Variants in C16orf92 observed in about 807,000 individuals in gnomAD.
C16orf92 encodes the protein fertilization-influencing membrane protein.
C16orf92 carries 14 observed loss-of-function variants against 13.7 expected under a neutral mutation model. The observed-to-expected ratio is 1.02, with a 90% CI of 0.67 to 1.60. C16orf92 has a LOEUF of 1.60. Ranked by LOEUF, C16orf92 falls within the 40% of genes most tolerant of loss-of-function variation. The probability of loss-of-function intolerance (pLI) is 0.00; values close to 1 mark genes in which losing one functional copy is unlikely to be tolerated. For synonymous variants in C16orf92, 50 were observed against 57.4 expected, an observed-to-expected ratio of 0.87 and a Z score of 0.58; for missense variants, 116 against 139.0, an observed-to-expected ratio of 0.83 and a Z score of 0.83.
At chr16:30,025,531 C>G, downstream of C16orf92, 1 of 1,591,732 alleles carries the variant, frequency 6.3e-7, no homozygotes, top group Non-Finnish European at 8.6e-7. The surrounding 1 kb of genome is among the most constrained non-coding windows in gnomAD (Gnocchi z 4.1). Context: ...GGCCCTCTCC[C>G]TGCCTCCCTG....
downstream of C16orf92, chr16:30,025,935 A>C (rs886416669): frequency 1.3e-4 from 106 of 798,632 alleles, no homozygotes; most frequent in Non-Finnish European, 1.9e-4. This position sits in a 1 kb window ranked among gnomAD's most constrained non-coding sequence, Gnocchi z 4.1. Context: ...TCTGAACATC[A>C]GAACACCTGG....
At chr16:30,025,644 A>G, downstream of C16orf92, 2 of 1,502,066 alleles carry the variant, frequency 1.3e-6, no homozygotes, top group South Asian at 2.2e-5. This position sits in a 1 kb window ranked among gnomAD's most constrained non-coding sequence, Gnocchi z 4.1. Context: ...AAGGGGCTAG[A>G]GCCCTTGGCA....
downstream of C16orf92, chr16:30,026,982 G>A: frequency 1.3e-6 from 1 of 754,850 alleles, no homozygotes; most frequent in Non-Finnish European, 2.3e-6. Context: ...GAGGGTAGAG[G>A]GTGAGAAACT....
In C16orf92 at chr16:30,023,407, A is replaced by G; in HGVS notation, c.64+3A>G. ...TGCACTAGGGGCCATAGAAACTGGT[A>G]AGAAGCTGTCTTGGGAGCAGCAGGA... On this transcript the variant is annotated splice_donor_region_variant and intron_variant, in intron 1 of 3. Coordinates refer to ENST00000681219, the MANE Select transcript of C16orf92 (RefSeq NM_001109659.2). 1.2e-6 allele frequency: 2 copies of G among 1,611,496 alleles called. No homozygotes were observed. Among genetic ancestry groups the G allele is most frequent in the Non-Finnish European group, 8.5e-7 (1 of 1,179,124 alleles).
chr16:30,023,459 T>A, intron 1 of C16orf92, 55 bp downstream of exon 1: 3 of 1,557,460 alleles, frequency 1.9e-6, no homozygotes, highest in Non-Finnish European at 2.6e-6. Context: ...GAGCATAAAG[T>A]GTGATGCCCA....
downstream of C16orf92, chr16:30,025,017 C>T (rs1034063838): frequency 7.2e-6 from 4 of 551,822 alleles, no homozygotes; most frequent in Non-Finnish European, 1.2e-5. The surrounding 1 kb of genome is among the most constrained non-coding windows in gnomAD (Gnocchi z 4.1). Context: ...CCCCTCTCTC[C>T]ACCCCCTCAG....
At position 30,023,832 on chromosome 16, in the gene C16orf92, T is replaced by A. The variant is rs1174921347; in HGVS notation, c.170T>A (p.Leu57Gln). The A allele has an allele frequency of 5.0e-6, 8 of 1,614,160 alleles. No individual in the cohort carries two copies. The highest frequency in any genetic ancestry group is 6.8e-6 in the Non-Finnish European group (8 of 1,180,004). ...FDYPDSDQAR[L>Q]LAVAQFIGEK... ...TATCCGGACTCAGACCAAGCCAGGC[T>A]GCTGGCTGTGGCCCAGTTTATTGGA... The change falls in exon 2 of 4, where the codon CTG becomes CAG. Residue 57 changes from leucine (L) to glutamine (Q), a missense_variant. Physicochemically the swap from Leu to Gln is moderately radical, Grantham distance 113. Transcript: ENST00000681219.
Position 30,024,322 on chromosome 16 carries a change from C to T in C16orf92, c.*95C>T. On this transcript the variant is annotated 3_prime_UTR_variant, in exon 4 of 4. Coordinates refer to ENST00000681219, the MANE Select transcript of C16orf92 (RefSeq NM_001109659.2). ...AGTTCCCTGCTTTCCTCCTCCCTGA[C>T]TGCCCAGCGAGCAGCTGGGGATCCT... The T allele has an allele frequency of 6.7e-7, 1 of 1,482,204 alleles. No individual in the cohort carries two copies. Among genetic ancestry groups the T allele is most frequent in the Non-Finnish European group, 9.3e-7 (1 of 1,077,072 alleles). The allele number at this position is 1,482,204 out of a possible 1,614,324, so 91.8% of individuals were successfully genotyped here. A position where few individuals can be genotyped will look rare whatever the true frequency, so the allele number is the denominator to read the frequency against.
Position 30,023,883 on chromosome 16 carries a change from C to A in C16orf92, c.221C>A (p.Ser74Ter). 4 of 1,610,158 alleles carry A rather than the reference C, an allele frequency of 2.5e-6. No homozygotes were observed. The South Asian group carries it at 3.3e-5, about 13-fold the overall frequency. ...GAGAAACCCATCGTGTTCATTAACT[C>A]AGGTATGAACCAGCTTGAGAAGGGA... is the stretch of plus-strand genomic sequence containing the variant. ...IGEKPIVFIN[S>*]GSSPGLFHHI... The change falls in exon 2 of 4, where the codon TCA becomes TAA. Residue 74 changes from serine to a stop codon, truncating the protein, a stop_gained and splice_region_variant. Transcript: ENST00000681219. LOFTEE classifies it high-confidence loss of function.
At chr16:30,026,533 C>T, downstream of C16orf92, 1 of 1,354,498 alleles carries the variant, frequency 7.4e-7, no homozygotes, top group Admixed American at 1.9e-5. Flanking sequence ...CCGGGGCTTC[C>T]CAGGCTCCTG....
At chr16:30,027,690 A>T (rs1047377761), downstream of C16orf92, 2 of 455,154 alleles carry the variant, frequency 4.4e-6, no homozygotes, top group Non-Finnish European at 8.8e-6. Context: ...AACAAAAACG[A>T]GAAATGGATG....
chr16:30,024,586 C>T lies in C16orf92; in HGVS notation c.*359C>T, dbSNP rs1186270717. 8 of 312,802 alleles carry T rather than the reference C, an allele frequency of 2.6e-5. No individual in the cohort carries two copies. Among genetic ancestry groups the T allele is most frequent in the Non-Finnish European group, 5.9e-6 (1 of 169,298 alleles). The allele number at this position is 312,802 out of a possible 1,614,324, so 19.4% of individuals were successfully genotyped here. On this transcript the variant is annotated 3_prime_UTR_variant, in exon 4 of 4. Coordinates refer to ENST00000681219, the MANE Select transcript of C16orf92 (RefSeq NM_001109659.2). ...CCGATGGTGAGGGACTGGGCGCCCT[C>T]GCCTGCCCCCGGGGTTGTCAGCACT...
downstream of C16orf92, chr16:30,025,454 T>TG: frequency 6.2e-7 from 1 of 1,612,222 alleles, no homozygotes; most frequent in Non-Finnish European, 8.5e-7. This position sits in a 1 kb window ranked among gnomAD's most constrained non-coding sequence, Gnocchi z 4.1. Flanking sequence ...CAGCAGTGTG[T>TG]GCTGCTGCTT....
At chr16:30,025,268 T>A, downstream of C16orf92, 1 of 1,541,866 alleles carries the variant, frequency 6.5e-7, no homozygotes, top group Non-Finnish European at 8.7e-7. This position sits in a 1 kb window ranked among gnomAD's most constrained non-coding sequence, Gnocchi z 4.1. Flanking sequence ...GAAGAACCAG[T>A]AGAGCTGAGG....
At chr16:30,027,545 G>A (rs1254897884), downstream of C16orf92, 5 of 455,910 alleles carry the variant, frequency 1.1e-5, no homozygotes, top group African/African-American at 6.0e-5. Flanking sequence ...TCTTGTCAGC[G>A]CTGTTCGCCC....
chr16:30,026,865 TG>T (rs751453031), downstream of C16orf92: 2 of 1,603,774 alleles, frequency 1.2e-6, no homozygotes, highest in Admixed American at 1.7e-5. Context: ...AGAGACGGGG[TG>T]GGGGAGCAAG....
chr16:30,026,713 C>G (rs770943688), downstream of C16orf92: 5 of 1,613,920 alleles, frequency 3.1e-6, no homozygotes, highest in East Asian at 1.1e-4. Context: ...CTGCCCGGGG[C>G]TCTGGCCGCT....
At chr16:30,026,669 C>T (rs1384479493), downstream of C16orf92, 3 of 1,613,804 alleles carry the variant, frequency 1.9e-6, no homozygotes, top group Non-Finnish European at 2.5e-6. Flanking sequence ...TGAGGAACTC[C>T]TTGTGCAGGT....
chr16:30,026,617 G>T (rs2071150335), downstream of C16orf92: 1 of 1,613,330 alleles, frequency 6.2e-7, no homozygotes, highest in East Asian at 2.2e-5. Flanking sequence ...ACCACTGAGA[G>T]TGGGAAGCAC....
Sources: gnomAD v4.1 joint callset for allele counts on GRCh38, gnomAD v4.1.1 for gene constraint, Gnocchi (gnomAD v3.1) non-coding constraint, MANE v1.5 for transcripts, NCBI Gene and HGNC (gene_info 2026-07-23, HGNC 2026-07-21) for gene names.